Variants in SPMIP2 observed in about 807,000 individuals in gnomAD.
SPMIP2 encodes sperm microtubule inner protein 2.
chr4:158,910,295 T>TG, the SPMIP2 span, among the ~76,000 whole-genome samples: 1 of 150,588 alleles, frequency 6.6e-6, no homozygotes. Flanking sequence ...TTTTTTGAGA[T>TG]GGAGTTTTGC....
At chr4:158,933,042 C>T in the SPMIP2 span, among the ~76,000 whole-genome samples, 1 of 152,214 alleles carries the variant, frequency 6.6e-6, no homozygotes, top group Non-Finnish European at 1.5e-5. Flanking sequence ...CTCGCTCTGT[C>T]ACCCAGTCTG....
At chr4:158,940,274 A>G in the SPMIP2 span, among the ~76,000 whole-genome samples, 1 of 152,152 alleles carries the variant, frequency 6.6e-6, no homozygotes, top group Non-Finnish European at 1.5e-5. Context: ...GCCCACCACA[A>G]TGACCTCATT....
chr4:158,957,732 T>C, the SPMIP2 span, among the ~76,000 whole-genome samples: 1 of 152,282 alleles, frequency 6.6e-6, no homozygotes, highest in African/African-American at 2.4e-5. Context: ...TCCTCACCTA[T>C]CTTGTCAACA....
At chr4:158,979,544 T>C in the SPMIP2 span, among the ~76,000 whole-genome samples, 1 of 152,158 alleles carries the variant, frequency 6.6e-6, no homozygotes, top group Non-Finnish European at 1.5e-5. Flanking sequence ...TCACTGGAAC[T>C]GGTTAGATAG....
At chr4:159,071,553 T>C in the SPMIP2 span, among the ~76,000 whole-genome samples, 3 of 152,154 alleles carry the variant, frequency 2.0e-5, no homozygotes, top group Non-Finnish European at 4.4e-5. Flanking sequence ...GAGAAATTCA[T>C]TATGAAAGAA....
the SPMIP2 span, among the ~76,000 whole-genome samples, chr4:158,928,086 A>C: frequency 6.6e-6 from 1 of 152,218 alleles, no homozygotes; most frequent in Non-Finnish European, 1.5e-5. Flanking sequence ...TGAGGAGTGC[A>C]GGCGCAAGGC....
the SPMIP2 span, among the ~76,000 whole-genome samples, chr4:158,911,274 G>T: frequency 6.6e-6 from 1 of 152,016 alleles, no homozygotes; most frequent in Non-Finnish European, 1.5e-5. Flanking sequence ...CTTGAACCCA[G>T]GAGGCGGAGG....
chr4:158,917,568 C>A, the SPMIP2 span, among the ~76,000 whole-genome samples: 2 of 152,050 alleles, frequency 1.3e-5, no homozygotes, highest in African/African-American at 4.8e-5. Context: ...AGACTCACAG[C>A]CTTTTGCTTC....
the SPMIP2 span, among the ~76,000 whole-genome samples, chr4:159,029,277 G>A: frequency 6.6e-6 from 1 of 152,082 alleles, no homozygotes; most frequent in Non-Finnish European, 1.5e-5. Context: ...ATAGAAATCA[G>A]AACAGCATCT....
chr4:158,935,404 A>G, the SPMIP2 span, among the ~76,000 whole-genome samples: 4 of 152,104 alleles, frequency 2.6e-5, no homozygotes, highest in African/African-American at 9.7e-5. Context: ...ACCATTGTTC[A>G]TACCCACGAC....
At chr4:159,002,604 T>C in the SPMIP2 span, among the ~76,000 whole-genome samples, 2 of 152,326 alleles carry the variant, frequency 1.3e-5, no homozygotes, top group Admixed American at 1.3e-4. Context: ...TTTATACATA[T>C]AGGTCCATGA....
chr4:158,996,132 G>T, the SPMIP2 span, among the ~76,000 whole-genome samples: 2 of 152,156 alleles, frequency 1.3e-5, no homozygotes, highest in Non-Finnish European at 2.9e-5. Context: ...TTTGCTGAAA[G>T]AAGACTGCTT....
chr4:159,069,338 T>G, the SPMIP2 span, among the ~76,000 whole-genome samples: 1 of 152,110 alleles, frequency 6.6e-6, no homozygotes, highest in Admixed American at 6.6e-5. Flanking sequence ...AAATCCTACT[T>G]CAGATCCTTT....
the SPMIP2 span, among the ~76,000 whole-genome samples, chr4:159,039,819 A>G: frequency 6.6e-6 from 1 of 152,260 alleles, no homozygotes; most frequent in Admixed American, 6.5e-5. Flanking sequence ...TAGCTAATTC[A>G]GAGTTGATAA....
chr4:158,948,667 G>A, the SPMIP2 span, among the ~76,000 whole-genome samples: 2,281 of 151,566 alleles, frequency 0.015, 66 homozygotes, highest in African/African-American at 0.052. Flanking sequence ...CAGGCTGGAG[G>A]GCAGTGGGAT....
chr4:159,058,657 A>G, the SPMIP2 span, among the ~76,000 whole-genome samples: 5 of 152,218 alleles, frequency 3.3e-5, no homozygotes, highest in Non-Finnish European at 7.3e-5. Flanking sequence ...CTATCAATCT[A>G]GAAATTCACA....
At chr4:158,953,848 G>C in the SPMIP2 span, among the ~76,000 whole-genome samples, 1 of 152,178 alleles carries the variant, frequency 6.6e-6, no homozygotes, top group Non-Finnish European at 1.5e-5. Context: ...TTTTGGACTT[G>C]CATGGGCCCT....
the SPMIP2 span, among the ~76,000 whole-genome samples, chr4:159,035,605 CA>C: frequency 6.6e-6 from 1 of 152,190 alleles, no homozygotes; most frequent in Non-Finnish European, 1.5e-5. Context: ...TACACACACA[CA>C]AATATATATA....
the SPMIP2 span, among the ~76,000 whole-genome samples, chr4:159,079,841 G>A: frequency 6.6e-6 from 1 of 151,960 alleles, no homozygotes; most frequent in East Asian, 1.9e-4. Context: ...TGGGTTTGAG[G>A]AGAGTGTTTT....
Sources: allele counts gnomAD v4.1 joint callset (sites outside exome capture counted in the v4.1 genomes callset), GRCh38; gene constraint gnomAD v4.1.1; transcripts MANE v1.5; gene names NCBI Gene and HGNC (gene_info 2026-07-23, HGNC 2026-07-21).